The following HERC2 variants were observed in gnomAD, a reference collection of about 807,000 sequenced individuals.
HERC2 encodes the protein E3 ubiquitin-protein ligase HERC2.
A neutral mutation model predicts 537.7 loss-of-function variants in HERC2; 102 were observed. The observed-to-expected ratio is 0.19, with a 90% confidence interval of 0.16 to 0.22. HERC2 has a LOEUF of 0.22. Among genes scored for constraint, HERC2 ranks in the 10% least tolerant of loss-of-function variants. The pLI is 1.00. For synonymous variants in HERC2, 2,224 were observed against 2,466.2 expected, an observed-to-expected ratio of 0.90 and a Z score of 2.91; for missense variants, 4,236 against 6,198.2, an observed-to-expected ratio of 0.68 and a Z score of 10.63.
At chr15:28,160,851 G>GT (rs1378107631) in intron 69 of HERC2, among the ~76,000 whole-genome samples, 2 of 152,208 alleles carry the variant, frequency 1.3e-5, no homozygotes, top group African/African-American at 4.8e-5. Flanking sequence ...GACTGGAGCT[G>GT]TTCCTATTCA....
rs1310381539 is a variant in HERC2 at position 28,234,134 on chromosome 15, C to G, written c.4154G>C (p.Gly1385Ala). Residue 1385 changes from glycine (G) to alanine (A), a missense_variant, in exon 27 of 93, where the codon GGG (glycine) becomes GCG (alanine). Coordinates refer to ENST00000261609, the MANE Select transcript of HERC2 (RefSeq NM_004667.6). ...SRLCSHRRAL[G>A]DHSQAFLQAI... is the part of the protein sequence containing the mutation. ...TTGCAGAAATGCCTGGGAATGGTCC[C>G]CCAGGGCCCGTCTGTGGGAGCAGAG... 2.4e-6 allele frequency: 2 copies of G among 829,236 alleles called. No individual in the cohort carries two copies. Among genetic ancestry groups the G allele is most frequent in the Non-Finnish European group, 4.2e-6 (2 of 479,182 alleles). 51.4% of individuals were successfully genotyped at this position (829,236 alleles called of 1,614,324 possible).
At chr15:28,168,208 G>GT (rs1390638215) in intron 67 of HERC2, among the ~76,000 whole-genome samples, 199 bp downstream of exon 67, 2 of 152,158 alleles carry the variant, frequency 1.3e-5, no homozygotes, top group Non-Finnish European at 2.9e-5. Flanking sequence ...TGATTTAATG[G>GT]TTTTTTTAAT....
chr15:28,260,388 C>A (rs2075386804), intron 16 of HERC2, among the ~76,000 whole-genome samples: 1 of 152,182 alleles, frequency 6.6e-6, no homozygotes, highest in African/African-American at 2.4e-5. Context: ...AAGGCATCTA[C>A]ATAAATACCC....
chr15:28,230,187 C>T (rs1480093777), intron 31 of HERC2, among the ~76,000 whole-genome samples, 180 bp downstream of exon 31: 1 of 151,664 alleles, frequency 6.6e-6, no homozygotes, highest in Non-Finnish European at 1.5e-5. Flanking sequence ...AAAAGGAAAC[C>T]CTTCTCCAGC....
chr15:28,275,989 C>T (rs2075861272), intron 5 of HERC2, among the ~76,000 whole-genome samples: 1 of 151,664 alleles, frequency 6.6e-6, no homozygotes, highest in Admixed American at 6.6e-5. Context: ...GAGTTCAAGA[C>T]CAGCCTGGCC....
chr15:28,193,551 A>C (rs957268564), intron 52 of HERC2, among the ~76,000 whole-genome samples: 9 of 152,210 alleles, frequency 5.9e-5, no homozygotes, highest in African/African-American at 1.9e-4. Flanking sequence ...CAGAGGCAAC[A>C]TGTGAAGAAA....
intron 23 of HERC2, among the ~76,000 whole-genome samples, chr15:28,240,842 C>T (rs1356123594): frequency 1.3e-5 from 2 of 151,616 alleles, no homozygotes; most frequent in Non-Finnish European, 2.9e-5. Context: ...CAGACATGCA[C>T]ATGTAAAGAA....
At chr15:28,238,009 CA>C in intron 25 of HERC2, 104 bp downstream of exon 25, 3 of 845,106 alleles carry the variant, frequency 3.5e-6, no homozygotes, top group Admixed American at 3.4e-5. Context: ...TAATGCCCCA[CA>C]AAAGACCCAG....
chr15:28,158,049 A>T (rs1389189903), intron 69 of HERC2, among the ~76,000 whole-genome samples: 1 of 152,150 alleles, frequency 6.6e-6, no homozygotes, highest in Non-Finnish European at 1.5e-5. Context: ...AGCAGTTTTG[A>T]GTGAGTTTCT....
rs1279988055 is a variant in HERC2, at chr15:28,179,037, G to C, written c.9020-7C>G. On this transcript the variant is annotated splice_polypyrimidine_tract_variant and splice_region_variant and intron_variant, in intron 58 of 92. Coordinates refer to ENST00000261609, the MANE Select transcript of HERC2 (RefSeq NM_004667.6). ...ACCTTCCCTTCCACAGTCACTGCAA[G>C]GAACGACAGCCAGGAGAGGACTCTC... 2 of 1,612,622 alleles carry C rather than the reference G, an allele frequency of 1.2e-6. No homozygotes were observed. Among genetic ancestry groups the C allele is most frequent in the Non-Finnish European group, 1.7e-6 (2 of 1,179,218 alleles).
chr15:28,280,551 G>A (rs1183690209), intron 4 of HERC2, among the ~76,000 whole-genome samples: 1 of 152,070 alleles, frequency 6.6e-6, no homozygotes, highest in African/African-American at 2.4e-5. Context: ...GAGGAGTGCG[G>A]CACATGACAG....
At chr15:28,232,230 A>C (rs1191457036) in intron 30 of HERC2, among the ~76,000 whole-genome samples, 1 of 152,214 alleles carries the variant, frequency 6.6e-6, no homozygotes, top group Non-Finnish European at 1.5e-5. Context: ...TTTGTGAGTA[A>C]ATCAGTATAA....
chr15:28,133,448 T>C (rs1284281138), intron 79 of HERC2, among the ~76,000 whole-genome samples: 1 of 152,248 alleles, frequency 6.6e-6, no homozygotes, highest in East Asian at 1.9e-4. Flanking sequence ...TTCATAATTT[T>C]TATGAAGTCC....
At position 28,253,622 on chromosome 15, in the gene HERC2, T is replaced by C. The variant is rs188023287; in HGVS notation, c.3050+718A>G. Among the ~76,000 whole-genome samples the C allele has an allele frequency of 1.0e-3, 154 of 152,362 alleles. 1 individual carries two copies. Among genetic ancestry groups the C allele is most frequent in the African/African-American group, 3.6e-3 (148 of 41,588 alleles). On this transcript the variant is annotated intron_variant, in intron 20 of 92. Coordinates refer to ENST00000261609, the MANE Select transcript of HERC2 (RefSeq NM_004667.6). ...ACCAAACAAATTTTTGAGATCCTTG[T>C]GCTAGATTTCACTATCTTAATATGA...
At chr15:28,229,126 T>C in intron 34 of HERC2, 69 bp downstream of exon 34, 1 of 1,370,266 alleles carries the variant, frequency 7.3e-7, no homozygotes, top group Non-Finnish European at 1.0e-6. Flanking sequence ...AAAATTGGCA[T>C]TTGCAAGTTT....
chr15:28,266,616 C>A (rs532011823), intron 12 of HERC2, among the ~76,000 whole-genome samples: 20 of 152,322 alleles, frequency 1.3e-4, no homozygotes, highest in Admixed American at 1.3e-3. Context: ...ATACACCCAA[C>A]CCAACATGGC....
At chr15:28,219,096 C>A (rs1181992891) in intron 37 of HERC2, among the ~76,000 whole-genome samples, 1 of 152,218 alleles carries the variant, frequency 6.6e-6, no homozygotes, top group Non-Finnish European at 1.5e-5. Context: ...ATTCTCGAAA[C>A]AACATTAGCA....
intron 17 of HERC2, among the ~76,000 whole-genome samples, chr15:28,256,656 G>A (rs2075271744): frequency 6.6e-6 from 1 of 152,144 alleles, no homozygotes; most frequent in African/African-American, 2.4e-5. Context: ...TGCCACAGGT[G>A]CAATCTCGGC....
intron 2 of HERC2, among the ~76,000 whole-genome samples, chr15:28,316,247 A>AT (rs2077082224): frequency 7.1e-6 from 1 of 140,464 alleles, no homozygotes; most frequent in Admixed American, 6.9e-5. Context: ...AAAAAAAAAA[A>AT]GGAATTGTCA....
Sources: gnomAD v4.1 joint callset for allele counts (sites outside exome capture counted in the v4.1 genomes callset) on GRCh38, gnomAD v4.1.1 for gene constraint, MANE v1.5 for transcripts, NCBI Gene and HGNC (gene_info 2026-07-23, HGNC 2026-07-21) for gene names.